Variants in GRIK2 observed in about 807,000 individuals in gnomAD.
GRIK2 encodes glutamate ionotropic receptor kainate type subunit 2, also known as glutamate receptor ionotropic, kainate 2.
Under a neutral mutation model 100.3 loss-of-function variants are expected in GRIK2, and 32 were observed. The ratio of observed to expected loss-of-function variants is 0.32; its 90% CI spans 0.24 to 0.43. The LOEUF (loss-of-function observed/expected upper bound fraction) is 0.43. Ranked by LOEUF, GRIK2 falls within the 20% of genes least tolerant of loss-of-function variation. The pLI is 1.00. For missense variants in GRIK2, 843 were observed against 1,114.9 expected, an observed-to-expected ratio of 0.76 and a Z score of 3.47; for synonymous variants, 417 against 389.4, an observed-to-expected ratio of 1.07 and a Z score of -0.83.
chr6:101,711,605 C>T (rs1052230897), intron 7 of GRIK2, among the ~76,000 whole-genome samples: 2 of 151,748 alleles, frequency 1.3e-5, no homozygotes, highest in Non-Finnish European at 2.9e-5. Context: ...TATCCAAACC[C>T]TCTGAAGCAA....
At chr6:101,579,131 C>T (rs925083887) in intron 2 of GRIK2, among the ~76,000 whole-genome samples, 9 of 152,180 alleles carry the variant, frequency 5.9e-5, no homozygotes, top group African/African-American at 2.2e-4. Flanking sequence ...CACACACACA[C>T]ACACTCCCTT....
intron 11 of GRIK2, among the ~76,000 whole-genome samples, chr6:101,888,557 C>A (rs1346763544): frequency 6.6e-6 from 1 of 152,086 alleles, no homozygotes; most frequent in African/African-American, 2.4e-5. Flanking sequence ...TCCGTAGCCC[C>A]TCTCAAAGAT....
intron 4 of GRIK2, among the ~76,000 whole-genome samples, chr6:101,651,099 T>A (rs1196350806): frequency 6.6e-6 from 1 of 151,436 alleles, no homozygotes; most frequent in Non-Finnish European, 1.5e-5. Flanking sequence ...CTAAAATGTT[T>A]CACTCTCATC....
At chr6:101,959,203 G>A (rs1474522488) in intron 14 of GRIK2, among the ~76,000 whole-genome samples, 2 of 152,038 alleles carry the variant, frequency 1.3e-5, no homozygotes, top group African/African-American at 2.4e-5. Flanking sequence ...GGCTTCACAT[G>A]TCTGGTAACA....
Position 101,671,575 on chromosome 6 carries a change from A to T in GRIK2, c.542-5048A>T, listed in dbSNP as rs192294210. Among the ~76,000 whole-genome samples, 95 of 152,270 alleles carry T rather than the reference A, an allele frequency of 6.2e-4. 1 individual carries two copies. Among genetic ancestry groups the T allele is most frequent in the African/African-American group, 2.2e-3 (90 of 41,572 alleles). ...GTGTGAGAGAATGGAAGTTAAAAAA[A>T]CAAAGAAGGGCTGGGCACGGTGGCT... On this transcript the variant is annotated intron_variant, in intron 4 of 16. Transcript: ENST00000369134.
intron 2 of GRIK2, among the ~76,000 whole-genome samples, chr6:101,577,943 C>A (rs758907749): frequency 6.6e-6 from 1 of 152,030 alleles, no homozygotes; most frequent in Non-Finnish European, 1.5e-5. Context: ...GGAATGCCTA[C>A]GAAAGGTTGA....
At chr6:102,037,866 A>G (rs1217503865) in intron 15 of GRIK2, among the ~76,000 whole-genome samples, 2 of 151,330 alleles carry the variant, frequency 1.3e-5, no homozygotes, top group East Asian at 1.9e-4. Context: ...GAGTTAATGC[A>G]CCAGTTATTT....
At chr6:101,696,949 G>C (rs1772533852) in intron 7 of GRIK2, among the ~76,000 whole-genome samples, 1 of 151,818 alleles carries the variant, frequency 6.6e-6, no homozygotes, top group African/African-American at 2.4e-5. Context: ...GTAGCTAGTT[G>C]GTCTACTAAA....
At chr6:101,840,019 T>C (rs1279071106) in intron 10 of GRIK2, among the ~76,000 whole-genome samples, 1 of 152,162 alleles carries the variant, frequency 6.6e-6, no homozygotes, top group African/African-American at 2.4e-5. Flanking sequence ...TCATGAATAA[T>C]GGTGTGATAG....
chr6:101,412,342 C>A (rs1208762122), intron 2 of GRIK2, among the ~76,000 whole-genome samples: 1 of 151,852 alleles, frequency 6.6e-6, no homozygotes, highest in Non-Finnish European at 1.5e-5. Context: ...GTATTGATTG[C>A]CTCCTCGGTG....
chr6:101,776,544 A>G (rs984503913), intron 7 of GRIK2, among the ~76,000 whole-genome samples: 2 of 152,166 alleles, frequency 1.3e-5, no homozygotes, highest in Non-Finnish European at 2.9e-5. Flanking sequence ...CCCTCCTTTT[A>G]TAGATGAAGA....
chr6:101,760,212 T>G (rs1777420553), intron 7 of GRIK2, among the ~76,000 whole-genome samples: 1 of 147,256 alleles, frequency 6.8e-6, no homozygotes, highest in South Asian at 2.1e-4. Flanking sequence ...GTAAAATGTT[T>G]AACATTGTTG....
At chr6:101,702,415 G>A (rs1489098024) in intron 7 of GRIK2, among the ~76,000 whole-genome samples, 1 of 151,922 alleles carries the variant, frequency 6.6e-6, no homozygotes, top group Non-Finnish European at 1.5e-5. Context: ...AAGTATATAT[G>A]CCTTAACTGT....
At chr6:102,057,333 C>T (rs1771513879) in intron 16 of GRIK2, among the ~76,000 whole-genome samples, 1 of 151,822 alleles carries the variant, frequency 6.6e-6, no homozygotes, top group Non-Finnish European at 1.5e-5. Flanking sequence ...TTTGATTTAG[C>T]TAGGCCGTAT....
chr6:102,012,494 A>G (rs947677576), intron 14 of GRIK2, among the ~76,000 whole-genome samples: 12 of 152,020 alleles, frequency 7.9e-5, no homozygotes, highest in African/African-American at 2.9e-4. Context: ...ATGTCTCCCC[A>G]TTTATTTGAT....
intron 7 of GRIK2, among the ~76,000 whole-genome samples, chr6:101,741,270 G>A (rs969692164): frequency 3.9e-5 from 6 of 152,096 alleles, no homozygotes; most frequent in African/African-American, 1.2e-4. Flanking sequence ...TCAATAATAA[G>A]GAATCCACTC....
At chr6:101,667,441 A>G (rs1770111639) in intron 4 of GRIK2, among the ~76,000 whole-genome samples, 1 of 152,224 alleles carries the variant, frequency 6.6e-6, no homozygotes, top group Non-Finnish European at 1.5e-5. Context: ...ACACACATAC[A>G]CATGTACATG....
intron 14 of GRIK2, among the ~76,000 whole-genome samples, chr6:102,031,005 C>T (rs1240043370): frequency 6.8e-6 from 1 of 147,478 alleles, no homozygotes; most frequent in Admixed American, 6.8e-5. Context: ...CAAGTGTAAA[C>T]CAGAAACCAA....
chr6:101,772,263 A>G (rs1482825856), intron 7 of GRIK2, among the ~76,000 whole-genome samples: 4 of 152,188 alleles, frequency 2.6e-5, no homozygotes, highest in Admixed American at 1.3e-4. Flanking sequence ...TAATGAGCTG[A>G]GCTTGTTTCA....
Sources: allele counts gnomAD v4.1 joint callset (sites outside exome capture counted in the v4.1 genomes callset), GRCh38; gene constraint gnomAD v4.1.1; transcripts MANE v1.5; gene names NCBI Gene and HGNC (gene_info 2026-07-23, HGNC 2026-07-21).